The following EPB41L5 variants were observed in gnomAD, a reference collection of about 807,000 sequenced individuals.
The protein encoded by EPB41L5 is erythrocyte membrane protein band 4.1 like 5.
EPB41L5 carries 55 observed loss-of-function variants against 106.6 expected under a neutral mutation model. That is an observed-to-expected ratio of 0.52 (90% CI 0.42 to 0.65). The LOEUF is 0.65. Ranked by LOEUF, EPB41L5 falls within the 30% of genes least tolerant of loss-of-function variation. The probability of loss-of-function intolerance (pLI) is 0.00; values close to 1 mark genes in which losing one functional copy is unlikely to be tolerated. For missense variants in EPB41L5, 871 were observed against 882.1 expected (o/e 0.99, Z 0.16); for synonymous variants, 297 against 306.7 (o/e 0.97, Z 0.33).
At chr2:120,111,587 A>G (rs1195990786) in intron 16 of EPB41L5, among the ~76,000 whole-genome samples, 1 of 152,142 alleles carries the variant, frequency 6.6e-6, no homozygotes, top group African/African-American at 2.4e-5. Context: ...TTCTTTCAGA[A>G]TCAGTAAATT....
intron 2 of EPB41L5, among the ~76,000 whole-genome samples, chr2:120,025,907 G>A (rs1454259568): frequency 2.0e-5 from 3 of 152,174 alleles, no homozygotes; most frequent in Admixed American, 1.3e-4. Context: ...ACAATAAGTT[G>A]GTGTGCGACT....
intron 18 of EPB41L5, among the ~76,000 whole-genome samples, chr2:120,138,153 A>G (rs560883714): frequency 1.3e-5 from 2 of 152,182 alleles, no homozygotes; most frequent in African/African-American, 2.4e-5. Flanking sequence ...ATAAAGTTCA[A>G]TATCCCTTTG....
In EPB41L5 at chr2:120,057,050, C is replaced by T. The variant is rs990542098; in HGVS notation, c.285+14940C>T. Among the ~76,000 whole-genome samples the T allele has an allele frequency of 5.3e-5, 8 of 152,234 alleles. No homozygotes were observed. The East Asian group carries it at 7.7e-4, about 15-fold the overall frequency. ...TAGTGGGGGCTATAGGCACCCACCA[C>T]GCCTGGCTAATTCTTTATTTTTTTG... On this transcript the variant is annotated intron_variant, in intron 3 of 24. Transcript: ENST00000263713.
chr2:120,136,516 A>G (rs772998391), intron 18 of EPB41L5, among the ~76,000 whole-genome samples: 8 of 151,536 alleles, frequency 5.3e-5, no homozygotes, highest in Non-Finnish European at 8.9e-5. Flanking sequence ...CAAGATGCAC[A>G]TTTTACCTAT....
At chr2:120,064,391 T>G (rs2105292408) in intron 3 of EPB41L5, among the ~76,000 whole-genome samples, 1 of 152,214 alleles carries the variant, frequency 6.6e-6, no homozygotes, top group Middle Eastern at 3.4e-3. Context: ...GTAGGTTAAG[T>G]GATTAGAAGG....
chr2:120,150,680 A>G (rs1686632207), intron 20 of EPB41L5, among the ~76,000 whole-genome samples: 1 of 151,376 alleles, frequency 6.6e-6, no homozygotes, highest in South Asian at 2.1e-4. Context: ...TTCTAATCCC[A>G]TGACAGATTA....
chr2:120,137,061 CAA>C (rs1455385439), intron 18 of EPB41L5, among the ~76,000 whole-genome samples: 7 of 151,954 alleles, frequency 4.6e-5, no homozygotes, highest in Non-Finnish European at 7.4e-5. Context: ...AAATCAATAA[CAA>C]GAGAAACTTT....
chr2:120,023,225 C>G lies in EPB41L5; in HGVS notation c.180+3961C>G, dbSNP rs184338759. 7.2e-5 allele frequency among the ~76,000 whole-genome samples: 11 copies of G among 152,228 alleles called. No individual in the cohort carries two copies. In the East Asian group the frequency reaches 2.1e-3, roughly 29 times the overall value. On this transcript the variant is annotated intron_variant, in intron 2 of 24. Coordinates refer to ENST00000263713, the MANE Select transcript of EPB41L5 (RefSeq NM_020909.4). The stretch of plus-strand genomic sequence containing the variant: ...TCAATTTTGGCTTTTGTGGCCATTG[C>G]TTTTGGTGATATAGTCATGAAGTCT...
chr2:120,037,228 C>G (rs1679092024), intron 2 of EPB41L5, among the ~76,000 whole-genome samples: 1 of 151,954 alleles, frequency 6.6e-6, no homozygotes, highest in Non-Finnish European at 1.5e-5. Context: ...AAAAGACTTG[C>G]AGTATAAAAC....
At chr2:120,081,352 T>G (rs1017071605) in intron 10 of EPB41L5, among the ~76,000 whole-genome samples, 1 of 152,220 alleles carries the variant, frequency 6.6e-6, no homozygotes, top group African/African-American at 2.4e-5. Flanking sequence ...CCGGCACCAT[T>G]TATTAAATAG....
intron 3 of EPB41L5, among the ~76,000 whole-genome samples, chr2:120,046,667 G>C (rs1055891274): frequency 6.6e-6 from 1 of 152,064 alleles, no homozygotes; most frequent in African/African-American, 2.4e-5. Context: ...AGTTTAATTA[G>C]ATCTCATTTG....
At position 120,100,685 on chromosome 2, in the gene EPB41L5, AT is replaced by A; in HGVS notation, c.1222-9del. ...CGAGGCAAAATAGATAATTTTTATAATTTTTGTCCAAAGGCTTGGGGGATGA... is the reference window on the plus strand; with the variant it reads ...CGAGGCAAAATAGATAATTTTTATAATTTTGTCCAAAGGCTTGGGGGATGA... On this transcript the variant is annotated splice_polypyrimidine_tract_variant and intron_variant, in intron 15 of 24. Coordinates refer to ENST00000263713, the MANE Select transcript of EPB41L5 (RefSeq NM_020909.4). 1 of 1,599,410 alleles carries A rather than the reference AT, an allele frequency of 6.3e-7. No individual in the cohort carries two copies. Among genetic ancestry groups the A allele is most frequent in the East Asian group, 2.2e-5 (1 of 44,780 alleles).
intron 1 of EPB41L5, among the ~76,000 whole-genome samples, chr2:120,014,264 A>C (rs1677357937): frequency 6.6e-6 from 1 of 152,174 alleles, no homozygotes; most frequent in Admixed American, 6.5e-5. Flanking sequence ...TTCTGATAGG[A>C]TTGCTTAAAT....
chr2:120,162,414 A>G (rs991347066), intron 21 of EPB41L5, among the ~76,000 whole-genome samples: 1 of 152,234 alleles, frequency 6.6e-6, no homozygotes, highest in African/African-American at 2.4e-5. Context: ...TAATTTGCCA[A>G]ATACCTCACA....
chr2:120,016,914 A>G (rs888904554), intron 1 of EPB41L5, among the ~76,000 whole-genome samples: 4 of 152,206 alleles, frequency 2.6e-5, no homozygotes, highest in African/African-American at 4.8e-5. Context: ...GGTATTATAT[A>G]TGAGTGTTTG....
At chr2:120,066,208 A>G (rs1241834389) in intron 3 of EPB41L5, among the ~76,000 whole-genome samples, 7 of 152,168 alleles carry the variant, frequency 4.6e-5, no homozygotes, top group Non-Finnish European at 1.0e-4. Context: ...TATTGCCTTA[A>G]GTAATATGTG....
intron 20 of EPB41L5, among the ~76,000 whole-genome samples, chr2:120,149,776 TTTAACCTTTTAAG>T (rs1404316482): frequency 6.6e-6 from 1 of 152,190 alleles, no homozygotes; most frequent in Non-Finnish European, 1.5e-5. Context: ...TAATTCTGCT[TTTAACCTTTTAAG>T]GAACTGCCAA....
intron 17 of EPB41L5, among the ~76,000 whole-genome samples, chr2:120,129,701 T>A (rs1001679613): frequency 7.9e-5 from 12 of 152,250 alleles, no homozygotes; most frequent in Admixed American, 1.3e-4. Flanking sequence ...AAATGAAATA[T>A]AACTCTCCAA....
rs1261942547 is a variant in EPB41L5 at position 120,091,637 on chromosome 2, T to G, written c.1126T>G (p.Ser376Ala). 6.2e-7 allele frequency: 1 copy of G among 1,613,462 alleles called. No individual in the cohort carries two copies. The highest frequency in any genetic ancestry group is 1.3e-5 in the African/African-American group (1 of 74,900). ...SFERRPSKRY[S>A]RRTLQMKACA... is the part of the protein sequence containing the mutation. ...TGAAAGAAGGCCCAGCAAACGATAT[T>G]CTAGACGAACTCTACAAATGAAAGG... The change falls in exon 13 of 25, where the codon TCT becomes GCT. Residue 376 changes from serine to alanine, a missense_variant. Coordinates refer to ENST00000263713, the MANE Select transcript of EPB41L5 (RefSeq NM_020909.4).
Sources: allele counts gnomAD v4.1 joint callset (sites outside exome capture counted in the v4.1 genomes callset), GRCh38; gene constraint gnomAD v4.1.1; transcripts MANE v1.5; gene names NCBI Gene and HGNC (gene_info 2026-07-23, HGNC 2026-07-21).